PKNOX1: variants seen among roughly 807,000 people sequenced by gnomAD.
The protein encoded by PKNOX1 is PBX/knotted 1 homeobox 1.
PKNOX1 carries 15 observed loss-of-function variants against 51.9 expected under a neutral mutation model. That is an observed-to-expected ratio of 0.29 (90% CI 0.19 to 0.45). The LOEUF is 0.45. PKNOX1 is among the 20% of genes least tolerant of loss of function. The pLI is 1.00. For synonymous variants in PKNOX1, 219 were observed against 211.1 expected (o/e 1.04, Z -0.32); for missense variants, 462 against 547.5 (o/e 0.84, Z 1.56).
In PKNOX1 at chr21:43,028,619, G is replaced by A. The variant is rs75506276; in HGVS notation, c.927-83G>A. 1.2e-3 allele frequency: 1,528 copies of A among 1,276,432 alleles called. 12 individuals are homozygous for A. The African/African-American group carries it at 0.019, about 16-fold the overall frequency. 79.1% of individuals were successfully genotyped at this position (1,276,432 alleles called of 1,614,324 possible). ...TTTGTAGCGTGCTTCGTAGAGCAGC[G>A]TGTTTGTTAGAAGGATTTGTTAATC... On this transcript the variant is annotated intron_variant, in intron 9 of 10. Transcript: ENST00000291547.
chr21:42,998,284 AGCACAGAAAAGACTT>A (rs1341739131), intron 1 of PKNOX1, among the ~76,000 whole-genome samples: 2 of 152,168 alleles, frequency 1.3e-5, no homozygotes, highest in Non-Finnish European at 2.9e-5. Context: ...TCATGAGAAC[AGCACAGAAAAGACTT>A]GCCCCCATGA....
Position 43,030,323 on chromosome 21 carries a change from A to T in PKNOX1, c.*222A>T. The stretch of plus-strand genomic sequence containing the variant: ...TGTGCGTGTGTGTGGATTTTTAAAG[A>T]AATTCTTTAAAGGTTTAACGCTAGA... On this transcript the variant is annotated 3_prime_UTR_variant, in exon 11 of 11. Transcript: ENST00000291547. The T allele has an allele frequency of 2.6e-6, 1 of 389,096 alleles. No individual in the cohort carries two copies. Among genetic ancestry groups the T allele is most frequent in the Non-Finnish European group, 4.6e-6 (1 of 217,760 alleles). 24.1% of individuals were successfully genotyped at this position (389,096 alleles called of 1,614,324 possible).
chr21:43,009,870 TGAC>T (rs1156816371), intron 3 of PKNOX1, among the ~76,000 whole-genome samples, 180 bp from the exon 4 acceptor site: 1 of 152,142 alleles, frequency 6.6e-6, no homozygotes, highest in Non-Finnish European at 1.5e-5. Context: ...GTTCCAAAGT[TGAC>T]GGCGGCAATG....
intron 1 of PKNOX1, among the ~76,000 whole-genome samples, chr21:42,984,267 T>A (rs936967021): frequency 1.3e-5 from 2 of 152,200 alleles, no homozygotes; most frequent in Admixed American, 6.6e-5. Context: ...ACATATTTTT[T>A]AAGCTATATT....
rs559633323 is a variant in PKNOX1 at position 43,003,551 on chromosome 21, A to G, written c.-56-775A>G. Among the ~76,000 whole-genome samples the G allele has an allele frequency of 5.9e-5, 9 of 152,122 alleles. No individual in the cohort carries two copies. In the South Asian group the frequency reaches 6.2e-4, roughly 11 times the overall value. ...ATCTCAGCCTGTCTCTCCAGTCTCG[A>G]CGTAACAGCATCTTCCCAGCGAGGC... On this transcript the variant is annotated intron_variant, in intron 1 of 10. Transcript: ENST00000291547.
In PKNOX1 at chr21:43,013,009, A is replaced by G. The variant is rs1979322050; in HGVS notation, c.352-59A>G. The G allele has an allele frequency of 5.1e-6, 7 of 1,385,450 alleles. No homozygotes were observed. The South Asian group carries it at 6.7e-5, about 13-fold the overall frequency. The allele number at this position is 1,385,450 out of a possible 1,614,324, so 85.8% of individuals were successfully genotyped here. ...TGACTAAGAACTGGTATGTAGGATC[A>G]TGATAACTTACAATAATGCCACCTT... On this transcript the variant is annotated intron_variant, in intron 4 of 10. Coordinates refer to ENST00000291547, the MANE Select transcript of PKNOX1 (RefSeq NM_004571.5).
chr21:43,012,989 A>G (rs1979321195), intron 4 of PKNOX1, 79 bp from the exon 5 acceptor site: 1 of 1,143,952 alleles, frequency 8.7e-7, no homozygotes, highest in South Asian at 1.5e-5. Context: ...TCTAATGACT[A>G]AGAACTGGTA....
intron 9 of PKNOX1, among the ~76,000 whole-genome samples, chr21:43,027,795 A>C (rs952817382): frequency 1.3e-5 from 2 of 152,188 alleles, no homozygotes; most frequent in Non-Finnish European, 2.9e-5. Context: ...GGGCGCCTAT[A>C]GTCCCACCTA....
At position 43,030,217 on chromosome 21, in the gene PKNOX1, G is replaced by T; in HGVS notation, c.*116G>T. The T allele has an allele frequency of 1.2e-6, 1 of 844,928 alleles. No individual in the cohort carries two copies. Among genetic ancestry groups the T allele is most frequent in the South Asian group, 2.0e-5 (1 of 50,020 alleles). The allele number at this position is 844,928 out of a possible 1,614,324, so 52.3% of individuals were successfully genotyped here. ...GAAGAGTGCACTTTTGTATTTCATA[G>T]TAAGCTTAAAGCGCGTCTTTGCCGG... On this transcript the variant is annotated 3_prime_UTR_variant, in exon 11 of 11. Transcript: ENST00000291547.
intron 1 of PKNOX1, among the ~76,000 whole-genome samples, chr21:42,981,116 G>A (rs1448488847): frequency 6.6e-6 from 1 of 152,248 alleles, no homozygotes; most frequent in Non-Finnish European, 1.5e-5. Flanking sequence ...GCATCCGTGT[G>A]CAGCACTGAG....
At chr21:42,996,060 T>A (rs1394057625) in intron 1 of PKNOX1, among the ~76,000 whole-genome samples, 1 of 152,074 alleles carries the variant, frequency 6.6e-6, no homozygotes, top group African/African-American at 2.4e-5. Context: ...CAGAAATTTT[T>A]AAAAATTAGC....
intron 1 of PKNOX1, among the ~76,000 whole-genome samples, chr21:42,978,247 C>A (rs569167899): frequency 1.3e-5 from 2 of 152,060 alleles, no homozygotes; most frequent in African/African-American, 4.8e-5. Flanking sequence ...TCAAGTGATC[C>A]GCCCGCCTTG....
In PKNOX1 at chr21:43,031,937, CT is replaced by C; in HGVS notation, c.*1837del. 3.6e-6 allele frequency: 1 copy of C among 275,096 alleles called. No homozygotes were observed. Among genetic ancestry groups the C allele is most frequent in the South Asian group, 3.4e-5 (1 of 29,786 alleles). 17.0% of individuals were successfully genotyped at this position (275,096 alleles called of 1,614,324 possible). On this transcript the variant is annotated 3_prime_UTR_variant, in exon 11 of 11. Coordinates refer to ENST00000291547, the MANE Select transcript of PKNOX1 (RefSeq NM_004571.5). ...AGGGCAATGGTGCAATCTCAGCTCA[CT>C]GCAACCTCCACCTCTTATGTTCAAG...
At position 43,032,108 on chromosome 21, in the gene PKNOX1, C is replaced by T. The variant is rs1469760524; in HGVS notation, c.*2007C>T. On this transcript the variant is annotated 3_prime_UTR_variant, in exon 11 of 11. Transcript: ENST00000291547. The stretch of plus-strand genomic sequence containing the variant: ...CTCCCGACCTCAGGTGATCTGCCTG[C>T]CTCAGCCTCCCAAAGTGCTGGGATT... 2.2e-6 allele frequency: 1 copy of T among 453,110 alleles called. No individual in the cohort carries two copies. The highest frequency in any genetic ancestry group is 2.4e-5 in the Admixed American group (1 of 41,910). 28.1% of individuals were successfully genotyped at this position (453,110 alleles called of 1,614,324 possible).
Position 43,016,939 on chromosome 21 carries a change from G to A in PKNOX1, c.554G>A (p.Ser185Asn). Reference sequence around the variant, plus strand: ...CAAAGTGCCATCACAGGCACCATCAGCCCTCAGGGAATTGTGGTGCCGGCG... The same window carrying A: ...CAAAGTGCCATCACAGGCACCATCAACCCTCAGGGAATTGTGGTGCCGGCG... The part of the protein sequence containing the change: ...QIQSAITGTI[S>N]PQGIVVPASA... The change falls in exon 6 of 11, where the codon AGC becomes AAC. Residue 185 changes from serine (S) to asparagine (N), a missense_variant. Around this residue, in one of 5 missense-constraint regions of PKNOX1, gnomAD observed 126 missense variants for 128.1 expected, o/e 0.98. Coordinates refer to ENST00000291547, the MANE Select transcript of PKNOX1 (RefSeq NM_004571.5). 6.2e-7 allele frequency: 1 copy of A among 1,612,354 alleles called. No homozygotes were observed. The highest frequency in any genetic ancestry group is 8.5e-7 in the Non-Finnish European group (1 of 1,179,024).
intron 1 of PKNOX1, among the ~76,000 whole-genome samples, chr21:42,984,725 A>G (rs2059042961): frequency 6.6e-6 from 1 of 151,512 alleles, no homozygotes; most frequent in South Asian, 2.1e-4. Context: ...GCCATGCTCT[A>G]TGTTGTGGAG....
At position 43,028,793 on chromosome 21, in the gene PKNOX1, C is replaced by T. The variant is rs1345382750; in HGVS notation, c.1018C>T (p.Arg340Trp). Reference protein sequence around the residue: ...PKTKKKTAQNRPVQRFWPDSI... With the variant: ...PKTKKKTAQNWPVQRFWPDSI... ...AACAAAGAAAAAAACTGCTCAGAACCGGCCAGTTCAGAGGTTTTGGCCTGA... is the reference window on the plus strand; with the variant it reads ...AACAAAGAAAAAAACTGCTCAGAACTGGCCAGTTCAGAGGTTTTGGCCTGA... Residue 340 changes from arginine (R) to tryptophan (W), a missense_variant, in exon 10 of 11, where the codon CGG becomes TGG. This residue lies in a region of PKNOX1 where 75 missense variants were observed against 129.8 expected (regional missense o/e 0.58). Transcript: ENST00000291547. 8.7e-6 allele frequency: 14 copies of T among 1,613,944 alleles called. No individual in the cohort carries two copies. Among genetic ancestry groups the T allele is most frequent in the South Asian group, 4.4e-5 (4 of 91,090 alleles).
intron 1 of PKNOX1, among the ~76,000 whole-genome samples, chr21:42,976,826 C>T (rs963189554): frequency 1.3e-5 from 2 of 152,202 alleles, no homozygotes; most frequent in Non-Finnish European, 2.9e-5. Context: ...TGAATGGCAT[C>T]TAGAATGGCA....
chr21:43,009,604 C>G (rs546787204), intron 3 of PKNOX1, among the ~76,000 whole-genome samples: 1 of 77,704 alleles, frequency 1.3e-5, no homozygotes, highest in East Asian at 3.5e-4. Flanking sequence ...GAGTGAGACT[C>G]CATCTCAAAA....
Sources: gnomAD v4.1 joint callset for allele counts (sites outside exome capture counted in the v4.1 genomes callset) on GRCh38, gnomAD v4.1.1 for gene constraint, gnomAD v4.1.1 regional missense constraint, MANE v1.5 for transcripts, NCBI Gene and HGNC (gene_info 2026-07-23, HGNC 2026-07-21) for gene names.